CHSY3: variants seen among roughly 807,000 people sequenced by gnomAD.
CHSY3 encodes the protein chondroitin sulfate synthase 3, also known as N-acetylgalactosaminyl-proteoglycan 3-beta-glucuronosyltransferase 3.
Under a neutral mutation model 67.2 loss-of-function variants are expected in CHSY3, and 35 were observed. The ratio of observed to expected loss-of-function variants is 0.52; its 90% CI spans 0.40 to 0.69. The LOEUF (loss-of-function observed/expected upper bound fraction) is 0.69, where lower values mean the gene tolerates loss of function less well. Among genes scored for constraint, CHSY3 ranks in the 30% least tolerant of loss-of-function variants. The pLI is 0.00. For missense variants in CHSY3, 1,069 were observed against 1,138.5 expected (o/e 0.94, Z 0.88); for synonymous variants, 474 against 434.7 (o/e 1.09, Z -1.12).
chr5:129,976,032 T>C (rs1762797288), intron 2 of CHSY3, among the ~76,000 whole-genome samples: 1 of 151,890 alleles, frequency 6.6e-6, no homozygotes, highest in African/African-American at 2.4e-5. Context: ...GTGTGAAAAA[T>C]AAATAAAAAT....
At chr5:130,004,086 G>T (rs537035152) in intron 2 of CHSY3, among the ~76,000 whole-genome samples, 1 of 152,066 alleles carries the variant, frequency 6.6e-6, no homozygotes, top group East Asian at 1.9e-4. Context: ...TATATTTCAG[G>T]GTTTATGTGA....
chr5:129,954,357 G>A (rs1443305185), intron 2 of CHSY3, among the ~76,000 whole-genome samples: 1 of 151,970 alleles, frequency 6.6e-6, no homozygotes, highest in Non-Finnish European at 1.5e-5. Context: ...TTTGGTACCA[G>A]TACCATGCTG....
intron 2 of CHSY3, among the ~76,000 whole-genome samples, chr5:129,984,215 GTTGTTCC>G (rs557137307): frequency 1.3e-5 from 2 of 152,166 alleles, no homozygotes; most frequent in African/African-American, 4.8e-5. Flanking sequence ...CTCAATGTCT[GTTGTTCC>G]CTTTGTATCC....
intron 2 of CHSY3, among the ~76,000 whole-genome samples, chr5:130,133,332 G>A (rs1201148322): frequency 6.6e-6 from 1 of 152,090 alleles, no homozygotes; most frequent in Non-Finnish European, 1.5e-5. Context: ...CCCTTGGTGT[G>A]CATAGATACT....
intron 2 of CHSY3, among the ~76,000 whole-genome samples, chr5:130,079,423 T>C (rs1231442551): frequency 6.6e-6 from 1 of 152,162 alleles, no homozygotes; most frequent in Non-Finnish European, 1.5e-5. Context: ...TTTTTAACAT[T>C]GGGATAAACT....
At position 129,917,984 on chromosome 5, in the gene CHSY3, A is replaced by G. The variant is rs187413080; in HGVS notation, c.1086+9624A>G. 1.3e-4 allele frequency among the ~76,000 whole-genome samples: 20 copies of G among 152,324 alleles called. No homozygotes were observed. The South Asian group carries it at 2.1e-3, about 16-fold the overall frequency. ...TTCAAATATCAAGTCTATTTTAATC[A>G]AACTAACTATTTGTTAAAAGTTAGT... is the stretch of plus-strand genomic sequence containing the variant. On this transcript the variant is annotated intron_variant, in intron 2 of 2. Transcript: ENST00000305031.
At chr5:130,027,231 A>G (rs1036206625) in intron 2 of CHSY3, among the ~76,000 whole-genome samples, 3 of 152,158 alleles carry the variant, frequency 2.0e-5, no homozygotes, top group Admixed American at 2.0e-4. Context: ...TCTACAGCAT[A>G]TAAAGGATTT....
intron 2 of CHSY3, among the ~76,000 whole-genome samples, chr5:130,183,715 A>G (rs1256190895): frequency 6.6e-6 from 1 of 152,112 alleles, no homozygotes; most frequent in Non-Finnish European, 1.5e-5. Context: ...TCATAGGACT[A>G]GAGTGTGGAA....
intron 2 of CHSY3, among the ~76,000 whole-genome samples, chr5:129,964,103 A>G (rs1490218313): frequency 6.6e-6 from 1 of 151,866 alleles, no homozygotes; most frequent in Non-Finnish European, 1.5e-5. Context: ...TCTGTGCTGG[A>G]TGAGAGTGGA....
chr5:129,912,006 A>ACT (rs1178533540), intron 2 of CHSY3, among the ~76,000 whole-genome samples: 11 of 152,272 alleles, frequency 7.2e-5, no homozygotes, highest in African/African-American at 2.6e-4. Context: ...CAGTGAGCCG[A>ACT]GATAGCCCAC....
At chr5:129,996,097 C>T (rs1391687006) in intron 2 of CHSY3, among the ~76,000 whole-genome samples, 1 of 152,118 alleles carries the variant, frequency 6.6e-6, no homozygotes, top group Non-Finnish European at 1.5e-5. Context: ...CCCTAAGACT[C>T]AGTTTTTCCA....
At chr5:130,118,848 A>G (rs1324619043) in intron 2 of CHSY3, among the ~76,000 whole-genome samples, 1 of 152,132 alleles carries the variant, frequency 6.6e-6, no homozygotes, top group East Asian at 1.9e-4. Flanking sequence ...GCGAGGCTAC[A>G]GTAATGATAA....
intron 2 of CHSY3, among the ~76,000 whole-genome samples, chr5:129,937,581 A>G (rs1226050836): frequency 6.6e-6 from 1 of 152,090 alleles, no homozygotes; most frequent in Non-Finnish European, 1.5e-5. Flanking sequence ...CATTAACTCA[A>G]AAGTCCAAGT....
chr5:129,940,043 A>G (rs1269058486), intron 2 of CHSY3, among the ~76,000 whole-genome samples: 1 of 152,148 alleles, frequency 6.6e-6, no homozygotes, highest in Non-Finnish European at 1.5e-5. Flanking sequence ...CGTTGAAAAA[A>G]TTCTTTAGAG....
At chr5:130,012,902 C>T (rs1242731229) in intron 2 of CHSY3, among the ~76,000 whole-genome samples, 1 of 152,042 alleles carries the variant, frequency 6.6e-6, no homozygotes, top group Non-Finnish European at 1.5e-5. Flanking sequence ...AAAAGTCCAA[C>T]TTCAAAGTCT....
At chr5:129,949,605 A>T (rs1042813892) in intron 2 of CHSY3, among the ~76,000 whole-genome samples, 1 of 152,182 alleles carries the variant, frequency 6.6e-6, no homozygotes, top group African/African-American at 2.4e-5. Context: ...TTCCAAACTA[A>T]TTTTGTGAGG....
chr5:129,981,958 C>T (rs1763031022), intron 2 of CHSY3, among the ~76,000 whole-genome samples: 1 of 151,986 alleles, frequency 6.6e-6, no homozygotes, highest in Non-Finnish European at 1.5e-5. Flanking sequence ...TATAAGCATG[C>T]AATTATTCTT....
intron 2 of CHSY3, among the ~76,000 whole-genome samples, chr5:130,055,448 A>C (rs1765500772): frequency 6.6e-6 from 1 of 152,268 alleles, no homozygotes; most frequent in East Asian, 1.9e-4. Flanking sequence ...TAATAAGTAG[A>C]TTGTGAAACA....
chr5:130,179,263 T>C (rs1047979256), intron 2 of CHSY3, among the ~76,000 whole-genome samples: 1 of 152,212 alleles, frequency 6.6e-6, no homozygotes, highest in African/African-American at 2.4e-5. Context: ...CCATTTAATA[T>C]AGATACTATA....
Sources: allele counts gnomAD v4.1 joint callset (sites outside exome capture counted in the v4.1 genomes callset), GRCh38; gene constraint gnomAD v4.1.1; transcripts MANE v1.5; gene names NCBI Gene and HGNC (gene_info 2026-07-23, HGNC 2026-07-21).